Variants in CD247 observed in about 807,000 individuals in gnomAD.
The protein encoded by CD247 is T-cell surface glycoprotein CD3 zeta chain.
Under a neutral mutation model 30.0 loss-of-function variants are expected in CD247, and 13 were observed. The observed-to-expected ratio is 0.43, with a 90% confidence interval of 0.28 to 0.69. The LOEUF (loss-of-function observed/expected upper bound fraction) is 0.69, where lower values mean the gene tolerates loss of function less well. CD247 is among the 30% of genes least tolerant of loss of function. The pLI is 0.16. For missense variants in CD247, 193 were observed against 212.6 expected, an observed-to-expected ratio of 0.91 and a Z score of 0.57; for synonymous variants, 72 against 80.0, an observed-to-expected ratio of 0.90 and a Z score of 0.53.
At chr1:167,497,449 T>C (rs544735031) in intron 1 of CD247, among the ~76,000 whole-genome samples, 61 of 152,356 alleles carry the variant, frequency 4.0e-4, no homozygotes, top group African/African-American at 1.5e-3. Flanking sequence ...TAGGATACAG[T>C]GAAATCGCTG....
chr1:167,500,384 C>T (rs1275617286), intron 1 of CD247, among the ~76,000 whole-genome samples: 1 of 152,180 alleles, frequency 6.6e-6, no homozygotes, highest in African/African-American at 2.4e-5. Context: ...GACATCAGAT[C>T]TTGGCTTTCA....
At chr1:167,486,333 A>C (rs771690473) in intron 1 of CD247, among the ~76,000 whole-genome samples, 1 of 152,210 alleles carries the variant, frequency 6.6e-6, no homozygotes, top group Non-Finnish European at 1.5e-5. Flanking sequence ...GAGGGAGAGG[A>C]AGTGCTGCGG....
At chr1:167,455,427 C>T (rs1000067501) in intron 1 of CD247, among the ~76,000 whole-genome samples, 12 of 152,338 alleles carry the variant, frequency 7.9e-5, no homozygotes, top group African/African-American at 1.4e-4. Context: ...GGACGCCCTC[C>T]GCAAGACAGA....
chr1:167,475,434 G>T (rs1156611242), intron 1 of CD247, among the ~76,000 whole-genome samples: 1 of 151,976 alleles, frequency 6.6e-6, no homozygotes, highest in Non-Finnish European at 1.5e-5. Context: ...CATTTATCAG[G>T]GTAACCAAAT....
intron 1 of CD247, among the ~76,000 whole-genome samples, chr1:167,442,732 C>T (rs1651899117): frequency 6.6e-6 from 1 of 152,010 alleles, no homozygotes; most frequent in Admixed American, 6.6e-5. Context: ...CCCACCCCCA[C>T]CACCCTGAAT....
intron 1 of CD247, among the ~76,000 whole-genome samples, chr1:167,481,542 C>A (rs1370495604): frequency 6.6e-6 from 1 of 152,076 alleles, no homozygotes; most frequent in East Asian, 1.9e-4. Context: ...TGGGTGGGGG[C>A]GGAAAGAGAA....
At position 167,440,630 on chromosome 1, in the gene CD247, C is replaced by G. The variant is rs562139535; in HGVS notation, c.162+34G>C. 454 of 1,447,724 alleles carry G rather than the reference C, an allele frequency of 3.1e-4. 2 individuals are homozygous for G. The South Asian group carries it at 3.5e-3, about 11-fold the overall frequency. 89.7% of individuals were successfully genotyped at this position (1,447,724 alleles called of 1,614,324 possible). A position where few individuals can be genotyped will look rare whatever the true frequency, so the allele number is the denominator to read the frequency against. ...CTGAACATCCATCAAGTGGGGGACC[C>G]CGTGCCCTCCTCCCAAAGCCCAGTG... On this transcript the variant is annotated intron_variant, in intron 2 of 7. Coordinates refer to ENST00000362089, the MANE Select transcript of CD247 (RefSeq NM_198053.3).
intron 2 of CD247, chr1:167,439,620 A>C: frequency 1.7e-6 from 1 of 590,280 alleles, no homozygotes; most frequent in South Asian, 2.0e-5. Context: ...TGACACGTGC[A>C]TTCATCACGC....
At chr1:167,484,728 G>A (rs1046338633) in intron 1 of CD247, among the ~76,000 whole-genome samples, 1 of 152,234 alleles carries the variant, frequency 6.6e-6, no homozygotes, top group South Asian at 2.1e-4. Flanking sequence ...AGTGAGCCGA[G>A]ATCGCGCCAC....
intron 1 of CD247, among the ~76,000 whole-genome samples, chr1:167,449,158 T>TTTTCTTTTTTTC (rs1239910101): frequency 2.2e-5 from 3 of 138,176 alleles, no homozygotes; most frequent in Non-Finnish European, 3.1e-5. Flanking sequence ...TCTTTTTTTT[T>TTTTCTTTTTTTC]TTTTTTTTTT....
At chr1:167,442,147 A>G (rs864537) in intron 1 of CD247, among the ~76,000 whole-genome samples, 44,890 of 152,136 alleles carry the variant, frequency 0.3, 7,991 homozygotes, top group Middle Eastern at 0.5. Flanking sequence ...TTTATTTGGA[A>G]CATCATTGCA....
At chr1:167,451,266 CT>C (rs1178872863) in intron 1 of CD247, among the ~76,000 whole-genome samples, 1 of 152,176 alleles carries the variant, frequency 6.6e-6, no homozygotes, top group Non-Finnish European at 1.5e-5. Context: ...AGGGTTTTCT[CT>C]TTTGACAAGG....
Position 167,434,064 on chromosome 1 carries a change from C to A in CD247, c.349G>T (p.Asp117Tyr), listed in dbSNP as rs1437199769. Residue 117 changes from aspartate (D) to tyrosine (Y), a missense_variant, in exon 6 of 8, where the codon GAT becomes TAT. Transcript: ENST00000362089. ...QEGLYNELQK[D>Y]KMAEAYSEIG... ...TCACTGTAGGCCTCCGCCATCTTAT[C>A]TTTCTGCAGTTCCTGCAGAAGAGGG... is the stretch of plus-strand genomic sequence containing the variant. The A allele has an allele frequency of 6.2e-7, 1 of 1,614,074 alleles. No homozygotes were observed. Among genetic ancestry groups the A allele is most frequent in the Non-Finnish European group, 8.5e-7 (1 of 1,179,986 alleles).
At chr1:167,504,726 T>A (rs142630732) in intron 1 of CD247, among the ~76,000 whole-genome samples, 6 of 152,308 alleles carry the variant, frequency 3.9e-5, no homozygotes, top group African/African-American at 1.4e-4. Context: ...CCTCTCCTTG[T>A]CATTAACGGG....
At chr1:167,510,422 A>G (rs1008360017) in intron 1 of CD247, among the ~76,000 whole-genome samples, 2 of 152,104 alleles carry the variant, frequency 1.3e-5, no homozygotes, top group African/African-American at 4.8e-5. Flanking sequence ...GCACATTGCC[A>G]ACACCCACAC....
intron 1 of CD247, among the ~76,000 whole-genome samples, chr1:167,496,719 G>A (rs904714400): frequency 3.3e-5 from 5 of 152,196 alleles, no homozygotes; most frequent in African/African-American, 1.2e-4. Flanking sequence ...CCAGGGATAA[G>A]GCAAGACAAG....
chr1:167,518,454 C>T lies in CD247; in HGVS notation c.12G>A (p.Lys4=). 1 of 1,614,176 alleles carries T rather than the reference C, an allele frequency of 6.2e-7. No homozygotes were observed. Among genetic ancestry groups the T allele is most frequent in the Non-Finnish European group, 8.5e-7 (1 of 1,180,032 alleles). The part of the protein sequence containing the change: MKW[K]ALFTAAILQA... ...GCAGGATGGCCGCGGTGAAAAGCGC[C>T]TTCCACTTCATCTTGTCCTTTCCCT... The change falls in exon 1 of 8, where the codon AAG becomes AAA. Residue 4 remains lysine, a synonymous_variant. Transcript: ENST00000362089.
chr1:167,433,976 A>T, intron 6 of CD247, 44 bp downstream of exon 6: 1 of 1,539,270 alleles, frequency 6.5e-7, no homozygotes, highest in South Asian at 1.1e-5. Context: ...TGTCTGGAGG[A>T]CCAAGAGGAA....
chr1:167,434,394 G>T, intron 5 of CD247: 1 of 433,890 alleles, frequency 2.3e-6, no homozygotes, highest in Non-Finnish European at 4.3e-6. Flanking sequence ...CAAAACAAGG[G>T]CTCACCTGGA....
Sources: gnomAD v4.1 joint callset for allele counts (sites outside exome capture counted in the v4.1 genomes callset) on GRCh38, gnomAD v4.1.1 for gene constraint, MANE v1.5 for transcripts, NCBI Gene and HGNC (gene_info 2026-07-23, HGNC 2026-07-21) for gene names.